TRIM2: variants seen among roughly 807,000 people sequenced by gnomAD.
TRIM2 encodes the protein tripartite motif-containing protein 2.
A neutral mutation model predicts 75.2 loss-of-function variants in TRIM2; 20 were observed. The ratio of observed to expected loss-of-function variants is 0.27; its 90% CI spans 0.19 to 0.39. TRIM2 has a LOEUF of 0.39. Among genes scored for constraint, TRIM2 ranks in the 10% least tolerant of loss-of-function variants. The pLI is 1.00. For missense variants in TRIM2, 660 were observed against 990.8 expected (o/e 0.67, Z 4.48); for synonymous variants, 373 against 388.3 (o/e 0.96, Z 0.46).
At chr4:153,305,463 G>A (rs1764775588) in intron 6 of TRIM2, among the ~76,000 whole-genome samples, 1 of 152,158 alleles carries the variant, frequency 6.6e-6, no homozygotes, top group South Asian at 2.1e-4. Context: ...GCTTGTCTCG[G>A]TCCCTTTTCT....
Position 153,312,561 on chromosome 4 carries a change from G to T in TRIM2, c.1511-2924G>T, listed in dbSNP as rs190993911. 2.3e-3 allele frequency among the ~76,000 whole-genome samples: 345 copies of T among 152,158 alleles called. 10 individuals are homozygous for T. In the East Asian group the frequency reaches 0.062, roughly 27 times the overall value. Reference sequence around the variant, plus strand: ...TCATTAAAAAGTCAGGAAACAACAGGTGCTGGAGAGGATGTGGAGAAATAG... The same window carrying T: ...TCATTAAAAAGTCAGGAAACAACAGTTGCTGGAGAGGATGTGGAGAAATAG... On this transcript the variant is annotated intron_variant, in intron 6 of 11. Transcript: ENST00000338700.
intron 6 of TRIM2, among the ~76,000 whole-genome samples, chr4:153,301,283 A>G (rs1763864217): frequency 6.6e-6 from 1 of 152,036 alleles, no homozygotes; most frequent in Admixed American, 6.6e-5. Flanking sequence ...TCCCATCTCA[A>G]CCTCTGGAGT....
At chr4:153,201,493 A>G (rs945088240), upstream of TRIM2, among the ~76,000 whole-genome samples, 2 of 151,982 alleles carry the variant, frequency 1.3e-5, no homozygotes, top group Non-Finnish European at 1.5e-5. Context: ...CTCCCATTCT[A>G]TAGGTTGTCT....
intron 10 of TRIM2, among the ~76,000 whole-genome samples, chr4:153,326,443 C>T (rs1322169987): frequency 6.6e-6 from 1 of 152,144 alleles, no homozygotes; most frequent in Non-Finnish European, 1.5e-5. Flanking sequence ...TTTTCTTCCC[C>T]ATGTAATGCT....
intron 1 of TRIM2, among the ~76,000 whole-genome samples, chr4:153,168,983 A>G (rs928535414): frequency 3.9e-5 from 6 of 152,148 alleles, no homozygotes; most frequent in African/African-American, 1.4e-4. Flanking sequence ...CAGGAGGCTG[A>G]GGTGGGAGGA....
chr4:153,160,837 G>T (rs1001045102), intron 1 of TRIM2, among the ~76,000 whole-genome samples: 1 of 152,028 alleles, frequency 6.6e-6, no homozygotes, highest in Non-Finnish European at 1.5e-5. Context: ...CTCCTGGGCC[G>T]AAGTGATCTG....
In TRIM2 at chr4:153,336,460, T is replaced by C; in HGVS notation, c.*1494T>C. 1.0e-6 allele frequency: 1 copy of C among 985,764 alleles called. No individual in the cohort carries two copies. The highest frequency in any genetic ancestry group is 5.2e-4 in the Middle Eastern group (1 of 1,914). The allele number at this position is 985,764 out of a possible 1,614,324, so 61.1% of individuals were successfully genotyped here. A position where few individuals can be genotyped will look rare whatever the true frequency, so the allele number is the denominator to read the frequency against. The stretch of plus-strand genomic sequence containing the variant: ...AAATATAAATGCATTTTGAGAAATG[T>C]TAAGAACAATTTAGTCAATCGTTCA... On this transcript the variant is annotated 3_prime_UTR_variant, in exon 12 of 12. Transcript: ENST00000338700.
chr4:153,295,968 C>T lies in TRIM2; in HGVS notation c.1442C>T (p.Pro481Leu). 6.4e-7 allele frequency: 1 copy of T among 1,567,760 alleles called. No individual in the cohort carries two copies. Among genetic ancestry groups the T allele is most frequent in the Non-Finnish European group, 8.6e-7 (1 of 1,159,856 alleles). Residue 481 changes from proline (P) to leucine (L), a missense_variant, in exon 6 of 12, where the codon CCC becomes CTC. Physicochemically the swap from Pro to Leu is moderately conservative, Grantham distance 98. Coordinates refer to ENST00000338700, the MANE Select transcript of TRIM2 (RefSeq NM_015271.5). The surrounding 1 kb of genome is among the most constrained non-coding windows in gnomAD (Gnocchi z 7.2). ...GTCAAGCAGAAAGCTGTGAAAAGAC[C>T]CGCAAGCATGTACAGCACTGGAAAA... ...GHVKQKAVKR[P>L]ASMYSTGKRK...
At chr4:153,197,031 C>A (rs898055455) in intron 1 of TRIM2, among the ~76,000 whole-genome samples, 1 of 152,200 alleles carries the variant, frequency 6.6e-6, no homozygotes, top group Non-Finnish European at 1.5e-5. Flanking sequence ...TTATAGAAAA[C>A]CCATTGGCAT....
intron 1 of TRIM2, among the ~76,000 whole-genome samples, chr4:153,263,255 G>A (rs79606325): frequency 9.1e-4 from 138 of 152,184 alleles, no homozygotes; most frequent in African/African-American, 3.1e-3. Context: ...CTTAAGCCTC[G>A]GAGGTGGAGG....
At chr4:153,220,762 C>A (rs1300761052) in intron 1 of TRIM2, among the ~76,000 whole-genome samples, 1 of 151,748 alleles carries the variant, frequency 6.6e-6, no homozygotes, top group Non-Finnish European at 1.5e-5. Flanking sequence ...AAGGAAGATA[C>A]CCAAATGGTC....
intron 6 of TRIM2, among the ~76,000 whole-genome samples, chr4:153,307,060 G>A (rs947889309): frequency 1.3e-5 from 2 of 152,152 alleles, no homozygotes; most frequent in Non-Finnish European, 2.9e-5. Flanking sequence ...CACTGTGAGT[G>A]AGTTATTACA....
At chr4:153,159,356 T>A (rs1729539851) in intron 1 of TRIM2, among the ~76,000 whole-genome samples, 1 of 135,650 alleles carries the variant, frequency 7.4e-6, no homozygotes, top group Admixed American at 9.1e-5. Context: ...GAGGCTGGAG[T>A]GCAGTGACAT....
intron 1 of TRIM2, among the ~76,000 whole-genome samples, chr4:153,168,414 G>A (rs1730521616): frequency 6.6e-6 from 1 of 152,092 alleles, no homozygotes; most frequent in South Asian, 2.1e-4. Flanking sequence ...TTTCTCTGTG[G>A]TAGGATGTTA....
At position 153,334,758 on chromosome 4, in the gene TRIM2, T is replaced by C. The variant is rs529863850; in HGVS notation, c.2164-56T>C. On this transcript the variant is annotated intron_variant, in intron 11 of 11. Coordinates refer to ENST00000338700, the MANE Select transcript of TRIM2 (RefSeq NM_015271.5). ...AGCATCAAGAGTTTTCTAACCCATG[T>C]TCAGCATATTACTATAACTTCTCCT... The C allele has an allele frequency of 1.2e-5, 18 of 1,463,754 alleles. No individual in the cohort carries two copies. In the South Asian group the frequency reaches 2.2e-4, roughly 18 times the overall value. 90.7% of individuals were successfully genotyped at this position (1,463,754 alleles called of 1,614,324 possible). A position where few individuals can be genotyped will look rare whatever the true frequency, so the allele number is the denominator to read the frequency against.
chr4:153,206,753 A>T (rs941110987), intron 1 of TRIM2, among the ~76,000 whole-genome samples: 1 of 152,164 alleles, frequency 6.6e-6, no homozygotes, highest in African/African-American at 2.4e-5. Context: ...CCAACTCTCT[A>T]ATCACTTGCT....
At chr4:153,323,617 G>A (rs1232101507) in intron 9 of TRIM2, among the ~76,000 whole-genome samples, 1 of 152,146 alleles carries the variant, frequency 6.6e-6, no homozygotes, top group East Asian at 1.9e-4. Context: ...AAGTAGCTGG[G>A]ACTACAGGCA....
intron 1 of TRIM2, chr4:153,257,549 G>A: frequency 7.8e-7 from 1 of 1,289,610 alleles, no homozygotes; most frequent in Non-Finnish European, 1.0e-6. Flanking sequence ...GCATGAACTG[G>A]CACATCACTA....
At chr4:153,239,367 A>G (rs1319955927) in intron 1 of TRIM2, among the ~76,000 whole-genome samples, 3 of 151,260 alleles carry the variant, frequency 2.0e-5, no homozygotes, top group Non-Finnish European at 4.4e-5. Flanking sequence ...AAAAAAAAAA[A>G]GAACTCTGGC....
Sources: gnomAD v4.1 joint callset for allele counts (sites outside exome capture counted in the v4.1 genomes callset) on GRCh38, gnomAD v4.1.1 for gene constraint, Gnocchi (gnomAD v3.1) non-coding constraint, MANE v1.5 for transcripts, NCBI Gene and HGNC (gene_info 2026-07-23, HGNC 2026-07-21) for gene names.